Variants in PCDHA3 observed in about 807,000 individuals in gnomAD.
PCDHA3 encodes protocadherin alpha 3, also known as protocadherin alpha-3.
A neutral mutation model predicts 62.2 loss-of-function variants in PCDHA3; 41 were observed. The observed-to-expected ratio is 0.66, with a 90% confidence interval of 0.51 to 0.86. PCDHA3 has a LOEUF of 0.86. Among genes scored for constraint, PCDHA3 ranks in the 40% least tolerant of loss-of-function variants. PCDHA3 has a pLI of 0.00. For synonymous variants in PCDHA3, 640 were observed against 555.4 expected (o/e 1.15, Z -2.14); for missense variants, 1,304 against 1,241.2 (o/e 1.05, Z -0.76).
intron 1 of PCDHA3, among the ~76,000 whole-genome samples, chr5:140,917,338 G>GGTGGGGGGGGGGGGGGGGGGC (rs2078134893): frequency 7.3e-6 from 1 of 137,894 alleles, no homozygotes; most frequent in Non-Finnish European, 1.6e-5. Flanking sequence ...GGAGGGGGGG[G>GGTGGGGGGGGGGGGGGGGGGC]ATGGTGTAGG....
intron 1 of PCDHA3, chr5:140,883,392 C>T (rs1554178015): frequency 1.9e-6 from 3 of 1,614,184 alleles, no homozygotes; most frequent in South Asian, 2.2e-5. Flanking sequence ...ATCAGTGTGT[C>T]CGATCGTGAC....
chr5:140,850,339 C>T (rs2150480105), intron 1 of PCDHA3: 3 of 1,597,742 alleles, frequency 1.9e-6, no homozygotes, highest in East Asian at 2.2e-5. Flanking sequence ...CAGCCAGAAA[C>T]GGCCAGCGCG....
At chr5:140,867,200 A>G (rs1239575601) in intron 1 of PCDHA3, 1 of 152,126 alleles carries the variant, frequency 6.6e-6, no homozygotes, top group African/African-American at 2.4e-5. Context: ...TCCACATTCC[A>G]TGTAACATCT....
intron 1 of PCDHA3, chr5:140,805,700 A>G (rs1420988180): frequency 1.5e-5 from 10 of 648,162 alleles, no homozygotes; most frequent in Non-Finnish European, 1.9e-5. Flanking sequence ...ATTACCAAGA[A>G]TTAGAATAAA....
intron 1 of PCDHA3, chr5:140,849,906 G>A: frequency 6.3e-7 from 1 of 1,598,336 alleles, no homozygotes; most frequent in Non-Finnish European, 8.6e-7. Flanking sequence ...CAACCCGCCG[G>A]GCTGCCACAT....
At chr5:140,880,514 TC>T (rs1459255635) in intron 1 of PCDHA3, among the ~76,000 whole-genome samples, 1 of 152,198 alleles carries the variant, frequency 6.6e-6, no homozygotes, top group Non-Finnish European at 1.5e-5. Context: ...TTTGGTCACA[TC>T]TCTCAATGTG....
rs150205860 is a variant in PCDHA3 at position 140,883,142 on chromosome 5, G to T, written c.2394+79551G>T. The T allele has an allele frequency of 3.1e-6, 5 of 1,613,886 alleles. No individual in the cohort carries two copies. In the African/African-American group the frequency reaches 6.7e-5, roughly 22 times the overall value. On this transcript the variant is annotated intron_variant, in intron 1 of 3. Transcript: ENST00000522353. ...GCCTGTATGGCCTGCAGTGGTATAT[G>T]CATTTACCATAAATCCGAACAATGG...
At chr5:140,855,376 A>T (rs1239693937) in intron 1 of PCDHA3, among the ~76,000 whole-genome samples, 1 of 150,012 alleles carries the variant, frequency 6.7e-6, no homozygotes, top group Non-Finnish European at 1.5e-5. Context: ...GATAATAGGA[A>T]TCTAAATGGA....
At chr5:140,946,452 T>C (rs2093945325) in intron 1 of PCDHA3, among the ~76,000 whole-genome samples, 1 of 151,436 alleles carries the variant, frequency 6.6e-6, no homozygotes. Flanking sequence ...AAAACAACTA[T>C]CCAGCAATCC....
intron 1 of PCDHA3, chr5:140,822,912 T>G: frequency 1.2e-6 from 2 of 1,614,222 alleles, no homozygotes; most frequent in Non-Finnish European, 1.7e-6. Flanking sequence ...GTGACTCAGG[T>G]GCCAACGGGC....
In PCDHA3 at chr5:140,829,080, T is replaced by A. The variant is rs375670586; in HGVS notation, c.2394+25489T>A. Reference sequence around the variant, plus strand: ...GCCACGGACAAAGGCCATCCTCCCATGGCGGGTCATTGCACCGTTTTAGTG... The same window carrying A: ...GCCACGGACAAAGGCCATCCTCCCAAGGCGGGTCATTGCACCGTTTTAGTG... On this transcript the variant is annotated intron_variant, in intron 1 of 3. Coordinates refer to ENST00000522353, the MANE Select transcript of PCDHA3 (RefSeq NM_018906.3). The A allele has an allele frequency of 6.2e-7, 1 of 1,611,960 alleles. No individual in the cohort carries two copies.
chr5:140,828,025 G>T, intron 1 of PCDHA3: 1 of 1,517,256 alleles, frequency 6.6e-7, no homozygotes, highest in Non-Finnish European at 8.8e-7. Context: ...AATAAATTCC[G>T]GAACATACAG....
Position 140,843,074 on chromosome 5 carries a change from G to T in PCDHA3, c.2394+39483G>T. On this transcript the variant is annotated intron_variant, in intron 1 of 3. Coordinates refer to ENST00000522353, the MANE Select transcript of PCDHA3 (RefSeq NM_018906.3). ...AGCGAGCAAGCTGGTGCCGCGGTCT[G>T]TGGGCGCGGGCCACGTGGTAGCGAA... is the stretch of plus-strand genomic sequence containing the variant. The T allele has an allele frequency of 3.1e-6, 5 of 1,595,392 alleles. 1 individual carries two copies. Among genetic ancestry groups the T allele is most frequent in the Non-Finnish European group, 4.3e-6 (5 of 1,165,320 alleles).
rs782169362 is a variant in PCDHA3, at chr5:140,979,015, T to G, written c.2453+8T>G. Reference sequence around the variant, plus strand: ...GAGAGCAGGCATGCACAGGTATGTATTTCCCTCCTCATTCACTCAGAAGTA... The same window carrying G: ...GAGAGCAGGCATGCACAGGTATGTAGTTCCCTCCTCATTCACTCAGAAGTA... On this transcript the variant is annotated splice_region_variant and intron_variant, in intron 2 of 3. Transcript: ENST00000522353. 3 of 1,613,920 alleles carry G rather than the reference T, an allele frequency of 1.9e-6. No individual in the cohort carries two copies. The highest frequency in any genetic ancestry group is 2.5e-6 in the Non-Finnish European group (3 of 1,179,908).
intron 1 of PCDHA3, among the ~76,000 whole-genome samples, chr5:140,840,943 A>G (rs1442704094): frequency 1.3e-5 from 2 of 152,054 alleles, no homozygotes; most frequent in Non-Finnish European, 2.9e-5. Flanking sequence ...TATTTGAAAT[A>G]TTGGGAAGAA....
chr5:140,842,488 G>A, intron 1 of PCDHA3: 3 of 1,613,912 alleles, frequency 1.9e-6, no homozygotes, highest in Non-Finnish European at 1.7e-6. Flanking sequence ...CCTGCTCCCT[G>A]ATGCCCCATG....
intron 1 of PCDHA3, chr5:140,875,916 G>GC: frequency 6.2e-7 from 1 of 1,614,086 alleles, no homozygotes. Context: ...CTGCGCCTCT[G>GC]GACTCTCATT....
intron 1 of PCDHA3, among the ~76,000 whole-genome samples, chr5:140,973,337 G>T (rs2096582330): frequency 6.6e-6 from 1 of 152,162 alleles, no homozygotes; most frequent in African/African-American, 2.4e-5. Flanking sequence ...TCGTTGTAAA[G>T]TGACATAGTA....
chr5:140,809,749 C>G (rs1248056700), intron 1 of PCDHA3: 1 of 653,570 alleles, frequency 1.5e-6, no homozygotes, highest in Non-Finnish European at 2.5e-6. Flanking sequence ...ATATTGCCTT[C>G]CTTCATTTTA....
Sources: gnomAD v4.1 joint callset for allele counts (sites outside exome capture counted in the v4.1 genomes callset) on GRCh38, gnomAD v4.1.1 for gene constraint, MANE v1.5 for transcripts, NCBI Gene and HGNC (gene_info 2026-07-23, HGNC 2026-07-21) for gene names.